ZDHHC11B: variants seen among roughly 807,000 people sequenced by gnomAD.
ZDHHC11B encodes the protein zDHHC palmitoyltransferase 11B (putative).
In ZDHHC11B, 17 loss-of-function variants were observed where a neutral mutation model predicts 42.3. That is an observed-to-expected ratio of 0.40 (90% CI 0.27 to 0.60). ZDHHC11B has a LOEUF of 0.60. Ranked by LOEUF, ZDHHC11B falls within the 20% of genes least tolerant of loss-of-function variation. The pLI is 0.41. For synonymous variants in ZDHHC11B, 123 were observed against 193.5 expected (o/e 0.64, Z 3.02); for missense variants, 262 against 463.2 (o/e 0.57, Z 3.99).
chr5:745,495 T>C (rs1364087622), intron 8 of ZDHHC11B, among the ~76,000 whole-genome samples, 197 bp from the exon 9 acceptor site: 1 of 149,904 alleles, frequency 6.7e-6, no homozygotes, highest in Non-Finnish European at 1.5e-5. Flanking sequence ...AGCTAGCTGA[T>C]GGTCAGCAGG....
At chr5:754,268 TA>T (rs1746240645) in intron 6 of ZDHHC11B, among the ~76,000 whole-genome samples, 1 of 127,134 alleles carries the variant, frequency 7.9e-6, no homozygotes, top group Non-Finnish European at 1.7e-5. Context: ...ACCTCTCGTC[TA>T]TGAGCCTCCA....
At chr5:753,781 G>A (rs1746113326) in intron 6 of ZDHHC11B, among the ~76,000 whole-genome samples, 1 of 147,160 alleles carries the variant, frequency 6.8e-6, no homozygotes, top group African/African-American at 2.5e-5. Flanking sequence ...GACACATGCT[G>A]TGCTCCAGAC....
chr5:733,502 G>A (rs1004784362), intron 11 of ZDHHC11B, among the ~76,000 whole-genome samples: 15 of 151,622 alleles, frequency 9.9e-5, no homozygotes, highest in Non-Finnish European at 2.1e-4. Context: ...CTTCTTGGTG[G>A]TGCTCCAGTG....
chr5:724,066 G>C (rs1433539064), intron 12 of ZDHHC11B, among the ~76,000 whole-genome samples: 2 of 151,254 alleles, frequency 1.3e-5, no homozygotes, highest in African/African-American at 4.9e-5. Flanking sequence ...GCTGTCCTCT[G>C]GGTGTGGGTT....
At chr5:756,558 C>T (rs1425598594) in intron 4 of ZDHHC11B, among the ~76,000 whole-genome samples, 19 of 151,682 alleles carry the variant, frequency 1.3e-4, no homozygotes, top group African/African-American at 4.4e-4. Flanking sequence ...TGTACCGCAC[C>T]CCCAGAGGCT....
intron 1 of ZDHHC11B, among the ~76,000 whole-genome samples, chr5:772,074 G>A (rs1316592570): frequency 6.6e-6 from 1 of 151,512 alleles, no homozygotes; most frequent in Non-Finnish European, 1.5e-5. Flanking sequence ...GTTGGGACAA[G>A]TGATAAACAA....
rs576733300 is a variant in ZDHHC11B, at chr5:713,149, A to T, written c.*8-867T>A. Among the ~76,000 whole-genome samples the T allele has an allele frequency of 4.6e-5, 7 of 151,596 alleles. No individual in the cohort carries two copies. The East Asian group carries it at 1.4e-3, about 29-fold the overall frequency. On this transcript the variant is annotated intron_variant, in intron 13 of 13. Transcript: ENST00000508859. ...ACTCTAAACATAACATAGCCTTCAA[A>T]CTGTATTCTCATTCATTTTTTTCAC...
At chr5:778,684 C>T (rs1479350296) in intron 1 of ZDHHC11B, among the ~76,000 whole-genome samples, 2 of 152,076 alleles carry the variant, frequency 1.3e-5, no homozygotes, top group Non-Finnish European at 1.5e-5. Context: ...TGAACGCGAC[C>T]TTGTTTGGAG....
At chr5:759,076 A>G (rs935806828) in intron 4 of ZDHHC11B, among the ~76,000 whole-genome samples, 1 of 151,878 alleles carries the variant, frequency 6.6e-6, no homozygotes, top group East Asian at 1.9e-4. Flanking sequence ...TTTATGTTCC[A>G]ATGAGCAATA....
chr5:729,790 G>A (rs1742877825), intron 12 of ZDHHC11B, among the ~76,000 whole-genome samples: 2 of 151,916 alleles, frequency 1.3e-5, no homozygotes, highest in Non-Finnish European at 1.5e-5. Context: ...TAGCAAACAA[G>A]GAGTAAATAA....
At chr5:777,169 C>T (rs1371278174) in intron 1 of ZDHHC11B, among the ~76,000 whole-genome samples, 1 of 151,890 alleles carries the variant, frequency 6.6e-6, no homozygotes, top group Non-Finnish European at 1.5e-5. Context: ...GGAGTTTCTT[C>T]CTTCTGGTGG....
intron 1 of ZDHHC11B, among the ~76,000 whole-genome samples, chr5:770,417 G>C (rs1327261257): frequency 6.6e-6 from 1 of 150,524 alleles, no homozygotes; most frequent in Non-Finnish European, 1.5e-5. Flanking sequence ...GGTGGGAGCT[G>C]AGCTGGGTGC....
intron 9 of ZDHHC11B, among the ~76,000 whole-genome samples, chr5:744,374 G>A (rs1181067528): frequency 6.7e-6 from 1 of 149,440 alleles, no homozygotes. Flanking sequence ...CTGTGTGTAG[G>A]TTGTATTGTA....
Position 758,555 on chromosome 5 carries a change from G to A in ZDHHC11B, c.223-2411C>T, listed in dbSNP as rs564920788. ...GCTGTCCTGAGCCTGAACCTGCCAG[G>A]CAAACCCCGTGGAGCTGCCTGAGCC... On this transcript the variant is annotated intron_variant, in intron 4 of 13. Transcript: ENST00000508859. 2.6e-5 allele frequency among the ~76,000 whole-genome samples: 4 copies of A among 151,802 alleles called. No individual in the cohort carries two copies. The East Asian group carries it at 5.8e-4, about 22-fold the overall frequency.
intron 8 of ZDHHC11B, 110 bp downstream of exon 8, chr5:748,294 C>A (rs1187346036): frequency 3.3e-5 from 28 of 858,402 alleles, no homozygotes; most frequent in Admixed American, 1.1e-4. Flanking sequence ...AGACTCTGGC[C>A]CCAGGTGTGG....
At chr5:726,383 T>C in intron 12 of ZDHHC11B, among the ~76,000 whole-genome samples, 1 of 149,234 alleles carries the variant, frequency 6.7e-6, no homozygotes, top group Non-Finnish European at 1.5e-5. Flanking sequence ...AAGCATATTC[T>C]GTGACAAAAA....
intron 4 of ZDHHC11B, among the ~76,000 whole-genome samples, chr5:758,147 G>A (rs1325787191): frequency 7.9e-5 from 12 of 151,834 alleles, no homozygotes; most frequent in Non-Finnish European, 1.5e-5. Context: ...GTGGTCACCG[G>A]GGCAACAGGG....
chr5:730,315 T>C (rs1742922321), intron 12 of ZDHHC11B, 119 bp downstream of exon 12: 2 of 1,259,328 alleles, frequency 1.6e-6, no homozygotes, highest in African/African-American at 3.1e-5. Context: ...CATTTCTACT[T>C]TCCCTTATGT....
intron 1 of ZDHHC11B, among the ~76,000 whole-genome samples, chr5:779,009 C>T (rs1465173656): frequency 1.2e-4 from 18 of 151,536 alleles, no homozygotes; most frequent in African/African-American, 3.2e-4. Context: ...GGGCCCTTGT[C>T]GGACGCCAAG....
Sources: allele counts gnomAD v4.1 joint callset (sites outside exome capture counted in the v4.1 genomes callset), GRCh38; gene constraint gnomAD v4.1.1; transcripts MANE v1.5; gene names NCBI Gene and HGNC (gene_info 2026-07-23, HGNC 2026-07-21).